Variants in FKBP15 observed in about 807,000 individuals in gnomAD.
FKBP15 encodes the protein FK506-binding protein 15.
In FKBP15, 106 loss-of-function variants were observed where a neutral mutation model predicts 158.1. The observed-to-expected ratio is 0.67, with a 90% CI of 0.57 to 0.79. FKBP15 has a LOEUF of 0.79. FKBP15 is among the 30% of genes least tolerant of loss of function. The pLI is 0.00. For synonymous variants in FKBP15, 547 were observed against 548.6 expected (o/e 1.00, Z 0.04); for missense variants, 1,287 against 1,479.1 (o/e 0.87, Z 2.13).
At chr9:113,208,403 TTAAGAG>T (rs1338514937) in intron 2 of FKBP15, among the ~76,000 whole-genome samples, 1 of 152,080 alleles carries the variant, frequency 6.6e-6, no homozygotes, top group Non-Finnish European at 1.5e-5. Context: ...AAATACCATG[TTAAGAG>T]TAAATCACAT....
At chr9:113,168,354 T>A in intron 27 of FKBP15, 106 bp downstream of exon 27, 1 of 949,284 alleles carries the variant, frequency 1.1e-6, no homozygotes, top group Non-Finnish European at 1.6e-6. Context: ...GCACACAGAG[T>A]CCAGGGAGTG....
At chr9:113,205,027 A>G (rs1037172979) in intron 4 of FKBP15, among the ~76,000 whole-genome samples, 1 of 152,176 alleles carries the variant, frequency 6.6e-6, no homozygotes, top group Non-Finnish European at 1.5e-5. Context: ...GTAATTTTTT[A>G]CCGTAGGCCC....
At chr9:113,180,970 T>A (rs1371361259) in intron 19 of FKBP15, among the ~76,000 whole-genome samples, 4 of 152,052 alleles carry the variant, frequency 2.6e-5, no homozygotes, top group Non-Finnish European at 5.9e-5. Context: ...AAAGGAGAGA[T>A]CACCAGGAAA....
At chr9:113,175,190 C>G (rs987174965) in intron 21 of FKBP15, among the ~76,000 whole-genome samples, 1 of 151,072 alleles carries the variant, frequency 6.6e-6, no homozygotes, top group Non-Finnish European at 1.5e-5. Context: ...GATATACTCT[C>G]TTTGGATAGT....
Position 113,161,419 on chromosome 9 carries a change from G to A in FKBP15, c.*4659C>T. The A allele has an allele frequency of 5.2e-6, 6 of 1,160,984 alleles. No individual in the cohort carries two copies. Among genetic ancestry groups the A allele is most frequent in the Non-Finnish European group, 7.7e-6 (6 of 781,848 alleles). 71.9% of individuals were successfully genotyped at this position (1,160,984 alleles called of 1,614,324 possible). Reference sequence around the variant, plus strand: ...GGGAAGAAGGTGCAGGATAGAGGTGGATGGAGTGGATTCCATGAACAGGTG... The same window carrying A: ...GGGAAGAAGGTGCAGGATAGAGGTGAATGGAGTGGATTCCATGAACAGGTG... On this transcript the variant is annotated 3_prime_UTR_variant, in exon 28 of 28. Coordinates refer to ENST00000238256, the MANE Select transcript of FKBP15 (RefSeq NM_015258.2).
At chr9:113,189,590 CCTTT>C (rs1363554906) in intron 12 of FKBP15, among the ~76,000 whole-genome samples, 1 of 151,942 alleles carries the variant, frequency 6.6e-6, no homozygotes, top group Non-Finnish European at 1.5e-5. Flanking sequence ...ATCCTATCTT[CCTTT>C]AAGATGTTAA....
At position 113,209,006 on chromosome 9, in the gene FKBP15, C is replaced by CAA. The variant is rs5900044; in HGVS notation, c.170-1712_170-1711dup. ...TGGGTGACAGAGCGAGACTCCATCT[C>CAA]AAAAAAAAAAAAAAAAAAAAAATTC... On this transcript the variant is annotated intron_variant, in intron 2 of 27. Transcript: ENST00000238256. 2.0e-3 allele frequency among the ~76,000 whole-genome samples: 200 copies of CAA among 98,496 alleles called. 1 individual carries two copies. Among genetic ancestry groups the CAA allele is most frequent in the Middle Eastern group, 5.4e-3 (1 of 186 alleles). The allele number at this position is 98,496 out of a possible 152,430, so 64.6% of individuals were successfully genotyped here. A position where few individuals can be genotyped will look rare whatever the true frequency, so the allele number is the denominator to read the frequency against.
chr9:113,186,339 C>T lies in FKBP15; in HGVS notation c.1408G>A (p.Ala470Thr), dbSNP rs1056655020. The T allele has an allele frequency of 9.6e-6, 15 of 1,565,612 alleles. No homozygotes were observed. Among genetic ancestry groups the T allele is most frequent in the East Asian group, 4.7e-5 (2 of 42,184 alleles). ...FQPYAGMQAYAYPQASAVTSQ... is the reference protein window; with the variant it reads ...FQPYAGMQAYTYPQASAVTSQ... ...GTGACGGCAGATGCCTGGGGATAAG[C>T]GTAGGCTTGCATACCTGCATAGGGC... Residue 470 changes from alanine to threonine, a missense_variant, in exon 15 of 28, where the codon GCT becomes ACT. Coordinates refer to ENST00000238256, the MANE Select transcript of FKBP15 (RefSeq NM_015258.2).
At chr9:113,171,165 T>C (rs1003621112) in intron 24 of FKBP15, among the ~76,000 whole-genome samples, 14 of 152,250 alleles carry the variant, frequency 9.2e-5, no homozygotes, top group African/African-American at 3.4e-4. Flanking sequence ...TGGTGGCTCA[T>C]GCCTGTAATC....
At position 113,207,266 on chromosome 9, in the gene FKBP15, G is replaced by A. The variant is rs1327209486; in HGVS notation, c.200C>T (p.Ala67Val). ...GNQATPKTAP[A>V]TMSTPTILVA... is the part of the protein sequence containing the mutation. ...CAGTATTGTGGGAGTGCTCATGGTG[G>A]CTGGTGCTGTTTTTGGTGTTGCCTG... The change falls in exon 3 of 28, where the codon GCC (alanine) becomes GTC (valine). Residue 67 changes from alanine (A) to valine (V), a missense_variant. Coordinates refer to ENST00000238256, the MANE Select transcript of FKBP15 (RefSeq NM_015258.2). 4.3e-6 allele frequency: 7 copies of A among 1,613,204 alleles called. No homozygotes were observed. The East Asian group carries it at 8.9e-5, about 21-fold the overall frequency.
chr9:113,189,111 T>C (rs1165224805), intron 12 of FKBP15, among the ~76,000 whole-genome samples: 2 of 152,244 alleles, frequency 1.3e-5, no homozygotes, highest in Non-Finnish European at 2.9e-5. Flanking sequence ...ACAGAAAATC[T>C]TGAGGCACAA....
chr9:113,207,427 C>G, intron 2 of FKBP15, 131 bp from the exon 3 acceptor site: 1 of 618,822 alleles, frequency 1.6e-6, no homozygotes, highest in Non-Finnish European at 2.9e-6. Context: ...GCAACCTCCA[C>G]CTCCCGGGTT....
At chr9:113,215,644 A>ATTTTTTTTTTTTT (rs1285341545) in intron 1 of FKBP15, among the ~76,000 whole-genome samples, 4 of 61,572 alleles carry the variant, frequency 6.5e-5, no homozygotes, top group Non-Finnish European at 1.1e-4. Context: ...ATATATATAT[A>ATTTTTTTTTTTTT]TTTTTTTTTT....
At chr9:113,209,430 A>T (rs1830958099) in intron 2 of FKBP15, among the ~76,000 whole-genome samples, 1 of 152,252 alleles carries the variant, frequency 6.6e-6, no homozygotes, top group Admixed American at 6.5e-5. Context: ...GAAATATAAA[A>T]GCATAGCCTA....
chr9:113,208,490 T>G (rs894076094), intron 2 of FKBP15, among the ~76,000 whole-genome samples: 3 of 152,212 alleles, frequency 2.0e-5, no homozygotes, highest in Non-Finnish European at 2.9e-5. Flanking sequence ...ATGCAAGAAC[T>G]TATATTTTGA....
At position 113,188,423 on chromosome 9, in the gene FKBP15, C is replaced by T. The variant is rs544901570; in HGVS notation, c.1242G>A (p.Pro414=). The part of the protein sequence containing the change: ...VTPSVQPSLH[P]AHPALPQMTS... Reference sequence around the variant, plus strand: ...TCATCTGTGGTAACGCTGGATGGGCCGGATGAAGAGAGGGCTGGACGGACG... The same window carrying T: ...TCATCTGTGGTAACGCTGGATGGGCTGGATGAAGAGAGGGCTGGACGGACG... The change falls in exon 13 of 28, where the codon CCG becomes CCA. Residue 414 remains proline, a synonymous_variant. Coordinates refer to ENST00000238256, the MANE Select transcript of FKBP15 (RefSeq NM_015258.2). The T allele has an allele frequency of 1.4e-5, 22 of 1,613,754 alleles. No homozygotes were observed. Among genetic ancestry groups the T allele is most frequent in the East Asian group, 6.7e-5 (3 of 44,894 alleles).
At position 113,173,557 on chromosome 9, in the gene FKBP15, C is replaced by A; in HGVS notation, c.2428G>T (p.Glu810Ter). 2 of 1,613,966 alleles carry A rather than the reference C, an allele frequency of 1.2e-6. No homozygotes were observed. The highest frequency in any genetic ancestry group is 2.2e-5 in the East Asian group (1 of 44,872). The change falls in exon 23 of 28, where the codon GAA becomes TAA. Residue 810 changes from glutamate (E) to a stop codon, truncating the protein, a stop_gained. Coordinates refer to ENST00000238256, the MANE Select transcript of FKBP15 (RefSeq NM_015258.2). LOFTEE classifies it high-confidence loss of function. ...ELQTQWEAKC[E>*]HLLASAKDEH... ...TCCTTGGCGGAGGCCAACAAATGTT[C>A]ACATTTTGCTTCCCACTGGGTCTGT...
chr9:113,166,446 C>T (rs570158031), intron 27 of FKBP15, among the ~76,000 whole-genome samples: 1 of 152,202 alleles, frequency 6.6e-6, no homozygotes, highest in East Asian at 1.9e-4. Context: ...TCCTCTCATG[C>T]AGTAACTTAC....
intron 2 of FKBP15, among the ~76,000 whole-genome samples, chr9:113,209,439 T>C (rs1830958335): frequency 6.6e-6 from 1 of 152,214 alleles, no homozygotes. Flanking sequence ...AAGCATAGCC[T>C]ACTAGAAATC....
Sources: allele counts gnomAD v4.1 joint callset (sites outside exome capture counted in the v4.1 genomes callset), GRCh38; gene constraint gnomAD v4.1.1; transcripts MANE v1.5; gene names NCBI Gene and HGNC (gene_info 2026-07-23, HGNC 2026-07-21).